The following DROSHA variants were observed in gnomAD, a reference collection of about 807,000 sequenced individuals.
DROSHA encodes ribonuclease 3.
In DROSHA, 56 loss-of-function variants were observed where a neutral mutation model predicts 181.9. The ratio of observed to expected loss-of-function variants is 0.31; its 90% confidence interval spans 0.25 to 0.38. The LOEUF is 0.38. Among genes scored for constraint, DROSHA ranks in the 10% least tolerant of loss-of-function variants. The probability of loss-of-function intolerance (pLI) is 1.00; values close to 1 mark genes in which losing one functional copy is unlikely to be tolerated. For missense variants in DROSHA, 1,218 were observed against 1,743.5 expected, an observed-to-expected ratio of 0.70 and a Z score of 5.37; for synonymous variants, 524 against 591.2, an observed-to-expected ratio of 0.89 and a Z score of 1.65.
At chr5:31,530,200 T>A (rs1741107458) in intron 3 of DROSHA, among the ~76,000 whole-genome samples, 1 of 152,086 alleles carries the variant, frequency 6.6e-6, no homozygotes, top group Non-Finnish European at 1.5e-5. Context: ...AGCTCACTGC[T>A]GTCTCTTACT....
rs1741079288 is a variant in DROSHA, at chr5:31,409,794, A to T, written c.3668-462T>A. Among the ~76,000 whole-genome samples the T allele has an allele frequency of 6.6e-6, 1 of 152,194 alleles. No homozygotes were observed. Among genetic ancestry groups the T allele is most frequent in the African/African-American group, 2.4e-5 (1 of 41,460 alleles). ...TTAATGAACAGAAATGGGGTAATTT[A>T]TAGATTCAATCTGCCCAAAAAGAGA... On this transcript the variant is annotated intron_variant, in intron 31 of 35. Transcript: ENST00000344624. The surrounding 1 kb of genome is among the most constrained non-coding windows in gnomAD (Gnocchi z 4.0).
chr5:31,522,259 G>T (rs1163876170), intron 5 of DROSHA, among the ~76,000 whole-genome samples: 1 of 152,094 alleles, frequency 6.6e-6, no homozygotes, highest in Non-Finnish European at 1.5e-5. Context: ...CAGAGATTTG[G>T]ATTCTACATT....
intron 9 of DROSHA, among the ~76,000 whole-genome samples, chr5:31,509,946 T>A (rs962316156): frequency 6.6e-6 from 1 of 151,706 alleles, no homozygotes; most frequent in African/African-American, 2.4e-5. Context: ...GGAAAACAGT[T>A]CTGGAGACTG....
At chr5:31,445,608 T>TTTC (rs1746150674) in intron 23 of DROSHA, among the ~76,000 whole-genome samples, 1 of 152,006 alleles carries the variant, frequency 6.6e-6, no homozygotes, top group Non-Finnish European at 1.5e-5. Context: ...GACACCACAA[T>TTTC]CAAGTGGGAG....
intron 2 of DROSHA, 82 bp from the exon 3 acceptor site, chr5:31,531,006 A>G (rs1359525788): frequency 1.8e-5 from 7 of 393,110 alleles, no homozygotes; most frequent in African/African-American, 1.0e-4. Flanking sequence ...TTTCCCTTCC[A>G]TGTACCTCCG....
At position 31,421,193 on chromosome 5, in the gene DROSHA, A is replaced by G. The variant is rs1403808544; in HGVS notation, c.3525+79T>C. 46 of 1,069,870 alleles carry G rather than the reference A, an allele frequency of 4.3e-5. 1 individual carries two copies. Among genetic ancestry groups the G allele is most frequent in the Non-Finnish European group, 1.8e-5 (13 of 709,198 alleles). The allele number at this position is 1,069,870 out of a possible 1,614,324, so 66.3% of individuals were successfully genotyped here. A position where few individuals can be genotyped will look rare whatever the true frequency, so the allele number is the denominator to read the frequency against. ...TCACTAAGAGTAAGAAATTAATTAC[A>G]TAGATATATATTTGACCCCTCTAAT... On this transcript the variant is annotated intron_variant, in intron 30 of 35. Coordinates refer to ENST00000344624, the MANE Select transcript of DROSHA (RefSeq NM_001382508.1).
At chr5:31,527,539 G>GA (rs946962255) in intron 4 of DROSHA, 3 of 154,420 alleles carry the variant, frequency 1.9e-5, no homozygotes, top group Non-Finnish European at 4.3e-5. Context: ...TCCTGCTGAT[G>GA]AAATCATAAC....
intron 3 of DROSHA, among the ~76,000 whole-genome samples, chr5:31,530,123 ATC>A (rs927440052): frequency 1.5e-4 from 23 of 152,148 alleles, no homozygotes; most frequent in African/African-American, 5.3e-4. Flanking sequence ...ACCAAATAAT[ATC>A]TGATTTTTTT....
chr5:31,497,860 C>T (rs966412024), intron 11 of DROSHA, among the ~76,000 whole-genome samples: 22 of 152,196 alleles, frequency 1.4e-4, no homozygotes, highest in Non-Finnish European at 2.2e-4. Flanking sequence ...CCAACTGATG[C>T]TCAAGCAGTT....
chr5:31,451,614 G>A lies in DROSHA; in HGVS notation c.2601C>T (p.Thr867=). Residue 867 remains threonine, a synonymous_variant, in exon 21 of 36, where the codon ACC becomes ACT. Transcript: ENST00000344624. The part of the protein sequence containing the change: ...CQHAMMLPVL[T]HHIRYHQCLM... ...GGCATTGGTGGTAGCGGATATGATGGGTCAGAACAGGTAGCATCATTGCAT... is the reference window on the plus strand; with the variant it reads ...GGCATTGGTGGTAGCGGATATGATGAGTCAGAACAGGTAGCATCATTGCAT... 1 of 1,612,172 alleles carries A rather than the reference G, an allele frequency of 6.2e-7. No homozygotes were observed. Among genetic ancestry groups the A allele is most frequent in the Non-Finnish European group, 8.5e-7 (1 of 1,179,162 alleles).
chr5:31,501,510 G>A (rs1434228465), intron 11 of DROSHA, among the ~76,000 whole-genome samples: 1 of 151,958 alleles, frequency 6.6e-6, no homozygotes, highest in East Asian at 1.9e-4. Context: ...TTGCACTGTG[G>A]GGATGGAAGA....
intron 13 of DROSHA, among the ~76,000 whole-genome samples, chr5:31,489,636 T>A (rs2150040751): frequency 6.6e-6 from 1 of 151,364 alleles, no homozygotes; most frequent in African/African-American, 2.4e-5. Context: ...TAAAAGAACA[T>A]CCTATACTGA....
chr5:31,514,227 AAAC>A lies in DROSHA; in HGVS notation c.1290+758_1290+760del, dbSNP rs796641373. ...TCTTCCTTATTTTTCATTTTGGAGA[AAAC>A]ACACACACACACACACACACACACA... On this transcript the variant is annotated intron_variant, in intron 8 of 35. Coordinates refer to ENST00000344624, the MANE Select transcript of DROSHA (RefSeq NM_001382508.1). The surrounding 1 kb of genome is among the most constrained non-coding windows in gnomAD (Gnocchi z 4.4). Among the ~76,000 whole-genome samples, 7 of 127,202 alleles carry A rather than the reference AAAC, an allele frequency of 5.5e-5. No homozygotes were observed. In the South Asian group the frequency reaches 9.0e-4, roughly 16 times the overall value. The allele number at this position is 127,202 out of a possible 152,430, so 83.4% of individuals were successfully genotyped here.
chr5:31,432,866 G>A (rs1301436620), intron 25 of DROSHA, among the ~76,000 whole-genome samples: 1 of 151,984 alleles, frequency 6.6e-6, no homozygotes, highest in Non-Finnish European at 1.5e-5. Flanking sequence ...ATCAATTCCA[G>A]CCTTTTAGAA....
intron 35 of DROSHA, among the ~76,000 whole-genome samples, chr5:31,402,629 G>A (rs1457583867): frequency 6.6e-6 from 1 of 152,076 alleles, no homozygotes. Context: ...TGGATAAGGG[G>A]AGATGACCAT....
intron 27 of DROSHA, among the ~76,000 whole-genome samples, chr5:31,425,820 G>A (rs1050154895): frequency 1.3e-5 from 2 of 152,074 alleles, no homozygotes; most frequent in African/African-American, 4.8e-5. Context: ...TTCCATCTTG[G>A]CAAGTGACTT....
intron 5 of DROSHA, among the ~76,000 whole-genome samples, chr5:31,524,899 T>G (rs944591407): frequency 6.6e-6 from 1 of 152,162 alleles, no homozygotes; most frequent in Non-Finnish European, 1.5e-5. Flanking sequence ...AAAATCAGAT[T>G]AAAAGCAATT....
chr5:31,443,194 G>A (rs770364312), intron 23 of DROSHA, among the ~76,000 whole-genome samples: 69 of 151,736 alleles, frequency 4.5e-4, no homozygotes, highest in Non-Finnish European at 6.5e-4. Context: ...TGATTTTTGT[G>A]TTTTTAGTAG....
intron 16 of DROSHA, among the ~76,000 whole-genome samples, chr5:31,479,498 G>A (rs9292428): frequency 0.92 from 139,600 of 152,236 alleles, 64,394 homozygotes; most frequent in Non-Finnish European, 0.98. Context: ...TTACAGCTCT[G>A]AAAGTGAAGA....
Sources: allele counts gnomAD v4.1 joint callset (sites outside exome capture counted in the v4.1 genomes callset), GRCh38; gene constraint gnomAD v4.1.1; non-coding constraint Gnocchi (gnomAD v3.1); transcripts MANE v1.5; gene names NCBI Gene and HGNC (gene_info 2026-07-23, HGNC 2026-07-21).